ALCAM: variants seen among roughly 807,000 people sequenced by gnomAD.
The protein encoded by ALCAM is activated leukocyte cell adhesion molecule.
In ALCAM, 30 loss-of-function variants were observed where a neutral mutation model predicts 70.9. The ratio of observed to expected loss-of-function variants is 0.42; its 90% CI spans 0.32 to 0.57. ALCAM has a LOEUF of 0.57. Ranked by LOEUF, ALCAM falls within the 20% of genes least tolerant of loss-of-function variation. The probability of loss-of-function intolerance (pLI) is 0.11; values close to 1 mark genes in which losing one functional copy is unlikely to be tolerated. For synonymous variants in ALCAM, 249 were observed against 242.5 expected (o/e 1.03, Z -0.25); for missense variants, 591 against 695.1 (o/e 0.85, Z 1.68).
chr3:105,463,905 C>G (rs963821037), intron 1 of ALCAM, among the ~76,000 whole-genome samples: 1 of 151,390 alleles, frequency 6.6e-6, no homozygotes, highest in African/African-American at 2.4e-5. Flanking sequence ...GGGTGATTGA[C>G]AATTTATAAA....
At chr3:105,565,739 A>G (rs1472396911) in intron 14 of ALCAM, among the ~76,000 whole-genome samples, 7 of 152,194 alleles carry the variant, frequency 4.6e-5, no homozygotes, top group Non-Finnish European at 7.3e-5. Flanking sequence ...CTTATGGATC[A>G]GCTTAACTTT....
chr3:105,502,909 C>A (rs1938963530), intron 1 of ALCAM, among the ~76,000 whole-genome samples: 1 of 152,220 alleles, frequency 6.6e-6, no homozygotes, highest in African/African-American at 2.4e-5. Context: ...CAAATAAATT[C>A]AGAAACTTCT....
intron 1 of ALCAM, among the ~76,000 whole-genome samples, chr3:105,375,078 C>G (rs963353314): frequency 1.5e-4 from 23 of 152,260 alleles, no homozygotes; most frequent in Middle Eastern, 3.4e-3. Context: ...TAACCATTCC[C>G]CAGGTGACAC....
At chr3:105,370,923 A>T (rs1935211641) in intron 1 of ALCAM, among the ~76,000 whole-genome samples, 1 of 152,176 alleles carries the variant, frequency 6.6e-6, no homozygotes, top group South Asian at 2.1e-4. Flanking sequence ...TTAAATATTC[A>T]TATGACAAAG....
intron 1 of ALCAM, among the ~76,000 whole-genome samples, chr3:105,516,910 A>T (rs1204228975): frequency 6.6e-6 from 1 of 152,076 alleles, no homozygotes; most frequent in South Asian, 2.1e-4. Flanking sequence ...GAATAATTTA[A>T]CTAACAAATA....
At chr3:105,368,223 A>AAGAG (rs5851454) in intron 1 of ALCAM, among the ~76,000 whole-genome samples, 2,465 of 67,796 alleles carry the variant, frequency 0.036, 134 homozygotes, top group African/African-American at 0.075. Context: ...TGAGTCTTGG[A>AAGAG]AGAGAGAGAG....
intron 8 of ALCAM, among the ~76,000 whole-genome samples, chr3:105,542,266 G>T (rs1940135506): frequency 6.6e-6 from 1 of 151,816 alleles, no homozygotes; most frequent in Admixed American, 6.6e-5. Flanking sequence ...ATATAGAGGG[G>T]TAGGAAATTT....
At chr3:105,541,539 C>T in intron 7 of ALCAM, 94 bp from the exon 8 acceptor site, 1 of 1,339,982 alleles carries the variant, frequency 7.5e-7, no homozygotes, top group South Asian at 1.5e-5. Flanking sequence ...CCTTTTTTAT[C>T]TTACTTGATA....
At chr3:105,403,615 A>G (rs745498373) in intron 1 of ALCAM, among the ~76,000 whole-genome samples, 4 of 152,076 alleles carry the variant, frequency 2.6e-5, no homozygotes, top group African/African-American at 9.7e-5. Context: ...GCCATCTGAC[A>G]TAGTCTACAC....
chr3:105,490,766 G>A lies in ALCAM; in HGVS notation c.74-29301G>A, dbSNP rs532945120. ...CAAAAGGTAGGTTCCCATAACCTTG[G>A]GCAACCCTTCCCCTGTGGCTTTGCA... On this transcript the variant is annotated intron_variant, in intron 1 of 15. Transcript: ENST00000306107. Among the ~76,000 whole-genome samples, 4 of 152,246 alleles carry A rather than the reference G, an allele frequency of 2.6e-5. No individual in the cohort carries two copies. The South Asian group carries it at 8.3e-4, about 32-fold the overall frequency.
intron 1 of ALCAM, among the ~76,000 whole-genome samples, chr3:105,403,138 G>A (rs990839903): frequency 6.6e-6 from 1 of 151,858 alleles, no homozygotes. Flanking sequence ...GTAGAGACGG[G>A]GTTTCCCCAT....
At chr3:105,447,063 C>A (rs1013029180) in intron 1 of ALCAM, among the ~76,000 whole-genome samples, 1 of 152,046 alleles carries the variant, frequency 6.6e-6, no homozygotes, top group Non-Finnish European at 1.5e-5. Flanking sequence ...ATGCTAAATG[C>A]CCTGATCTGA....
intron 1 of ALCAM, among the ~76,000 whole-genome samples, chr3:105,381,156 T>C (rs186797378): frequency 1.8e-4 from 28 of 152,068 alleles, no homozygotes; most frequent in Admixed American, 5.9e-4. Context: ...ATAAAGTTCA[T>C]TAAACAGTGT....
intron 1 of ALCAM, among the ~76,000 whole-genome samples, chr3:105,456,585 A>G (rs1057397632): frequency 6.6e-6 from 1 of 152,158 alleles, no homozygotes; most frequent in East Asian, 1.9e-4. Flanking sequence ...ACTCCTCTTT[A>G]TCGTTTAACA....
intron 9 of ALCAM, among the ~76,000 whole-genome samples, chr3:105,546,845 C>A (rs1294587578): frequency 6.6e-6 from 1 of 151,130 alleles, no homozygotes; most frequent in Non-Finnish European, 1.5e-5. Flanking sequence ...GGATTATTTT[C>A]TGTATATCAG....
intron 14 of ALCAM, among the ~76,000 whole-genome samples, chr3:105,567,401 A>G (rs1940767516): frequency 2.0e-5 from 3 of 150,570 alleles, no homozygotes; most frequent in African/African-American, 7.3e-5. Context: ...CCTGCTCACT[A>G]TCATCTCACA....
rs944523732 is a variant in ALCAM, at chr3:105,576,747, G to A, written c.*2296G>A. On this transcript the variant is annotated 3_prime_UTR_variant, in exon 16 of 16. Transcript: ENST00000306107. ...AGAATTCCAAATCCTCAACTTTTGA[G>A]GTTTCGGCTCTCCAATTTAACTCTT... 1 of 152,168 alleles carries A rather than the reference G, an allele frequency of 6.6e-6. No individual in the cohort carries two copies. Among genetic ancestry groups the A allele is most frequent in the Admixed American group, 6.5e-5 (1 of 15,272 alleles). The allele number at this position is 152,168 out of a possible 1,614,324, so 9.4% of individuals were successfully genotyped here.
At chr3:105,491,290 T>C (rs1472734347) in intron 1 of ALCAM, among the ~76,000 whole-genome samples, 1 of 152,066 alleles carries the variant, frequency 6.6e-6, no homozygotes, top group Non-Finnish European at 1.5e-5. Flanking sequence ...TCCTCCTAGG[T>C]CTCTGGGCCT....
intron 1 of ALCAM, among the ~76,000 whole-genome samples, chr3:105,463,326 T>C (rs1398701877): frequency 2.0e-5 from 3 of 151,452 alleles, no homozygotes; most frequent in Admixed American, 6.6e-5. Context: ...TGCATACATT[T>C]TACAGCCTGC....
Sources: allele counts gnomAD v4.1 joint callset (sites outside exome capture counted in the v4.1 genomes callset), GRCh38; gene constraint gnomAD v4.1.1; transcripts MANE v1.5; gene names NCBI Gene and HGNC (gene_info 2026-07-23, HGNC 2026-07-21).